The following RASA1 variants were observed in gnomAD, a reference collection of about 807,000 sequenced individuals.
RASA1 encodes ras GTPase-activating protein 1.
A neutral mutation model predicts 132.2 loss-of-function variants in RASA1; 25 were observed. That is an observed-to-expected ratio of 0.19 (90% CI 0.14 to 0.26). RASA1 has a LOEUF of 0.26. Ranked by LOEUF, RASA1 falls within the 10% of genes least tolerant of loss-of-function variation. The pLI, the probability that RASA1 is intolerant of heterozygous loss-of-function variation, is 1.00. For synonymous variants in RASA1, 477 were observed against 449.9 expected, an observed-to-expected ratio of 1.06 and a Z score of -0.76; for missense variants, 964 against 1,299.2, an observed-to-expected ratio of 0.74 and a Z score of 3.97.
At chr5:87,292,413 C>T (rs911865379) in intron 1 of RASA1, among the ~76,000 whole-genome samples, 18 of 147,048 alleles carry the variant, frequency 1.2e-4, no homozygotes, top group African/African-American at 4.5e-4. Context: ...TGTGCCAGCA[C>T]TGTTTGTTAA....
intron 1 of RASA1, among the ~76,000 whole-genome samples, chr5:87,296,385 T>C (rs189924655): frequency 8.2e-4 from 125 of 152,258 alleles, no homozygotes; most frequent in African/African-American, 2.8e-3. Flanking sequence ...ATAAGAAAAA[T>C]AAAAGTTTTT....
chr5:87,321,399 C>T (rs1279583286), intron 1 of RASA1, among the ~76,000 whole-genome samples: 1 of 152,114 alleles, frequency 6.6e-6, no homozygotes, highest in East Asian at 1.9e-4. Flanking sequence ...TGTCAGATTC[C>T]CAACGGCTGA....
Position 87,268,445 on chromosome 5 carries a change from C to T in RASA1, c.-7C>T. On this transcript the variant is annotated 5_prime_UTR_variant, in exon 1 of 25. Coordinates refer to ENST00000274376, the MANE Select transcript of RASA1 (RefSeq NM_002890.3). Reference sequence around the variant, plus strand: ...GCAGGGTAGGGCAGAGTAGAGCGGGCTTCAACATGATGGCGGCCGAGGCCG... The same window carrying T: ...GCAGGGTAGGGCAGAGTAGAGCGGGTTTCAACATGATGGCGGCCGAGGCCG... 1.3e-6 allele frequency: 2 copies of T among 1,543,200 alleles called. No homozygotes were observed. Among genetic ancestry groups the T allele is most frequent in the Non-Finnish European group, 8.7e-7 (1 of 1,143,808 alleles).
intron 21 of RASA1, among the ~76,000 whole-genome samples, chr5:87,384,376 T>C (rs544694879): frequency 6.6e-6 from 1 of 152,156 alleles, no homozygotes; most frequent in Non-Finnish European, 1.5e-5. Flanking sequence ...AACAGGGATA[T>C]TTGTGACTTT....
chr5:87,344,163 A>G (rs137891343), intron 6 of RASA1, among the ~76,000 whole-genome samples: 11 of 152,244 alleles, frequency 7.2e-5, no homozygotes, highest in South Asian at 4.1e-4. Context: ...TGGATATTTA[A>G]AAATAACTAA....
intron 1 of RASA1, among the ~76,000 whole-genome samples, chr5:87,305,358 A>C (rs759552151): frequency 1.4e-4 from 21 of 152,154 alleles, no homozygotes; most frequent in Non-Finnish European, 2.2e-4. Context: ...ACCTACAACT[A>C]TCTGATTTTT....
Position 87,358,589 on chromosome 5 carries a change from C to T in RASA1, c.1333-3962C>T, listed in dbSNP as rs75968164. On this transcript the variant is annotated intron_variant, in intron 9 of 24. Transcript: ENST00000274376. ...TAGCTTTGTCCCCTTATGCTGCATGCTGCGCAGCAGTCACTGGGATCCATT... is the reference window on the plus strand; with the variant it reads ...TAGCTTTGTCCCCTTATGCTGCATGTTGCGCAGCAGTCACTGGGATCCATT... Among the ~76,000 whole-genome samples the T allele has an allele frequency of 7.5e-3, 1,136 of 152,274 alleles. 18 individuals carry two copies. Among genetic ancestry groups the T allele is most frequent in the African/African-American group, 0.026 (1,098 of 41,560 alleles).
chr5:87,386,679 T>C lies in RASA1; in HGVS notation c.2848-147T>C. 7.4e-6 allele frequency: 5 copies of C among 678,400 alleles called. No individual in the cohort carries two copies. In the Admixed American group the frequency reaches 8.8e-5, roughly 12 times the overall value. 42.0% of individuals were successfully genotyped at this position (678,400 alleles called of 1,614,324 possible). On this transcript the variant is annotated intron_variant, in intron 22 of 24. Coordinates refer to ENST00000274376, the MANE Select transcript of RASA1 (RefSeq NM_002890.3). ...TGCTACACCTAATTTATAAGAAGTA[T>C]TGCTACATGTATGGGTTTTGCTATA...
At chr5:87,379,636 A>G (rs1761567790) in intron 18 of RASA1, 99 bp from the exon 19 acceptor site, 1 of 1,496,390 alleles carries the variant, frequency 6.7e-7, no homozygotes, top group East Asian at 2.5e-5. Context: ...AGATACCGAA[A>G]AATAGACAAC....
intron 3 of RASA1, 35 bp from the exon 4 acceptor site, chr5:87,333,232 A>G (rs371681398): frequency 8.6e-5 from 138 of 1,605,892 alleles, no homozygotes; most frequent in Non-Finnish European, 1.0e-4. Flanking sequence ...TAAAAAGACT[A>G]TCTTTTTAAA....
chr5:87,283,147 T>TG (rs1754394214), intron 1 of RASA1, among the ~76,000 whole-genome samples: 2 of 134,580 alleles, frequency 1.5e-5, no homozygotes, highest in South Asian at 5.1e-4. Context: ...TTTTTTTTTG[T>TG]GTTTTTTTTT....
intron 6 of RASA1, among the ~76,000 whole-genome samples, chr5:87,345,720 A>T (rs1758812257): frequency 6.6e-6 from 1 of 152,142 alleles, no homozygotes; most frequent in Admixed American, 6.6e-5. Flanking sequence ...AAACAATGTG[A>T]ATGACCTCTG....
In RASA1 at chr5:87,341,300, A is replaced by G; in HGVS notation, c.1028A>G (p.Glu343Gly). Residue 343 changes from glutamate to glycine, a missense_variant, in exon 6 of 25, where the codon GAA becomes GGA. This residue lies in a region of RASA1 where 154 missense variants were observed against 286.5 expected (regional missense o/e 0.54). Transcript: ENST00000274376. Reference sequence around the variant, plus strand: ...ATGTCTTCCCTTTAGGGCCGGGAAGAAGATCCACATGAAGGAAAAATGTGA... The same window carrying G: ...ATGTCTTCCCTTTAGGGCCGGGAAGGAGATCCACATGAAGGAAAAATGTGA... ...EDLVEEVGREEDPHEGKIWFH... is the reference protein window; with the variant it reads ...EDLVEEVGREGDPHEGKIWFH... The G allele has an allele frequency of 7.4e-7, 1 of 1,355,012 alleles. No homozygotes were observed. The highest frequency in any genetic ancestry group is 9.6e-7 in the Non-Finnish European group (1 of 1,045,378). 83.9% of individuals were successfully genotyped at this position (1,355,012 alleles called of 1,614,324 possible).
chr5:87,292,054 A>G (rs922420249), intron 1 of RASA1, among the ~76,000 whole-genome samples: 1 of 152,104 alleles, frequency 6.6e-6, no homozygotes, highest in Non-Finnish European at 1.5e-5. Flanking sequence ...TTCTTTGTAT[A>G]TTTTTGGATA....
At chr5:87,331,047 T>G in intron 1 of RASA1, 1 of 1,253,014 alleles carries the variant, frequency 8.0e-7, no homozygotes, top group Non-Finnish European at 1.1e-6. Context: ...CTGGTTGCAG[T>G]AGTGTTTATA....
chr5:87,385,515 G>C, intron 22 of RASA1, 126 bp downstream of exon 22: 1 of 735,038 alleles, frequency 1.4e-6, no homozygotes, highest in Non-Finnish European at 2.3e-6. Flanking sequence ...TATTTTTGTT[G>C]GTATGTTTGT....
chr5:87,331,678 T>G (rs1757610292), intron 2 of RASA1, among the ~76,000 whole-genome samples, 178 bp downstream of exon 2: 1 of 152,220 alleles, frequency 6.6e-6, no homozygotes, highest in Non-Finnish European at 1.5e-5. Flanking sequence ...GTTTACATTT[T>G]TTGTTTAAAA....
At chr5:87,300,891 T>C (rs1465123564) in intron 1 of RASA1, among the ~76,000 whole-genome samples, 1 of 152,200 alleles carries the variant, frequency 6.6e-6, no homozygotes, top group African/African-American at 2.4e-5. Context: ...TGAATTTCTG[T>C]CCTGTCTCTG....
chr5:87,340,101 C>T (rs1337787067), intron 5 of RASA1, among the ~76,000 whole-genome samples: 6 of 152,104 alleles, frequency 3.9e-5, no homozygotes, highest in Non-Finnish European at 7.4e-5. Flanking sequence ...AGTAGGCATT[C>T]AGAAAATGTT....
Sources: gnomAD v4.1 joint callset for allele counts (sites outside exome capture counted in the v4.1 genomes callset) on GRCh38, gnomAD v4.1.1 for gene constraint, gnomAD v4.1.1 regional missense constraint, MANE v1.5 for transcripts, NCBI Gene and HGNC (gene_info 2026-07-23, HGNC 2026-07-21) for gene names.